The following LRRC42 variants were observed in gnomAD, a reference collection of about 807,000 sequenced individuals.
LRRC42 encodes the protein leucine rich repeat containing 42, also known as leucine-rich repeat-containing protein 42.
Under a neutral mutation model 44.3 loss-of-function variants are expected in LRRC42, and 43 were observed. The ratio of observed to expected loss-of-function variants is 0.97; its 90% CI spans 0.76 to 1.25. The LOEUF (loss-of-function observed/expected upper bound fraction) is 1.25, where lower values mean the gene tolerates loss of function less well. LRRC42 is among the 50% of genes most tolerant of loss of function. The probability of loss-of-function intolerance (pLI) is 0.00; values close to 1 mark genes in which losing one functional copy is unlikely to be tolerated. For missense variants in LRRC42, 540 were observed against 509.1 expected (o/e 1.06, Z -0.58); for synonymous variants, 207 against 195.2 (o/e 1.06, Z -0.50).
intron 3 of LRRC42, among the ~76,000 whole-genome samples, chr1:53,956,578 T>G (rs1654847552): frequency 6.6e-6 from 1 of 152,216 alleles, no homozygotes; most frequent in Non-Finnish European, 1.5e-5. Context: ...AGGTCTGGTC[T>G]GTGCTCTTTC....
chr1:53,964,298 T>C (rs1388033184), intron 7 of LRRC42, among the ~76,000 whole-genome samples: 1 of 152,120 alleles, frequency 6.6e-6, no homozygotes, highest in Non-Finnish European at 1.5e-5. Context: ...TTCCTCTTTC[T>C]TCCTCTCCTC....
chr1:53,965,353 A>G lies in LRRC42; in HGVS notation c.928-943A>G, dbSNP rs372660496. Among the ~76,000 whole-genome samples, 9 of 152,012 alleles carry G rather than the reference A, an allele frequency of 5.9e-5. No individual in the cohort carries two copies. In the East Asian group the frequency reaches 9.7e-4, roughly 16 times the overall value. On this transcript the variant is annotated intron_variant, in intron 7 of 8. Transcript: ENST00000371370. ...GAAAATGTTTTTCTTGACCTTTTTTATGGTCATTTCATTGCATTCCATAAT... is the reference window on the plus strand; with the variant it reads ...GAAAATGTTTTTCTTGACCTTTTTTGTGGTCATTTCATTGCATTCCATAAT...
In LRRC42 at chr1:53,958,145, G is replaced by C. The variant is rs1168548170; in HGVS notation, c.474-4G>C. ...AGCTATTGATTGCTCTCCACGCTCC[G>C]TAGGTATCTCGTGATTTCAGAAAAG... On this transcript the variant is annotated splice_region_variant and splice_polypyrimidine_tract_variant and intron_variant, in intron 3 of 8. Transcript: ENST00000371370. The C allele has an allele frequency of 1.9e-6, 3 of 1,613,354 alleles. No homozygotes were observed. The highest frequency in any genetic ancestry group is 2.7e-5 in the African/African-American group (2 of 74,906).
intron 8 of LRRC42, among the ~76,000 whole-genome samples, chr1:53,967,430 T>G (rs1003693927): frequency 3.9e-5 from 6 of 152,194 alleles, no homozygotes; most frequent in African/African-American, 1.2e-4. Flanking sequence ...CCACGGTCAC[T>G]TCTAGGAAGA....
intron 7 of LRRC42, 121 bp downstream of exon 7, chr1:53,962,530 C>T: frequency 4.3e-6 from 3 of 690,666 alleles, no homozygotes; most frequent in Non-Finnish European, 7.7e-6. Flanking sequence ...TTGTCATCTT[C>T]ATGTCAAATT....
chr1:53,955,584 G>A (rs1005952742), intron 3 of LRRC42, among the ~76,000 whole-genome samples: 1 of 146,504 alleles, frequency 6.8e-6, no homozygotes, highest in Non-Finnish European at 1.5e-5. Flanking sequence ...AAGCGTGAGC[G>A]ACCATGCCCA....
intron 3 of LRRC42, among the ~76,000 whole-genome samples, 198 bp downstream of exon 3, chr1:53,952,670 G>C (rs1193891825): frequency 6.6e-6 from 1 of 152,082 alleles, no homozygotes; most frequent in African/African-American, 2.4e-5. Flanking sequence ...ACTTTATTCT[G>C]AAATCATTTT....
At chr1:53,952,495 T>G in intron 3 of LRRC42, 23 bp downstream of exon 3, 1 of 1,556,528 alleles carries the variant, frequency 6.4e-7, no homozygotes, top group East Asian at 2.3e-5. Context: ...ATTAGATTAT[T>G]CGGTATTTTA....
chr1:53,967,699 G>A lies in LRRC42; in HGVS notation c.1047G>A (p.Lys349=). Residue 349 remains lysine, a synonymous_variant, in exon 9 of 9, where the codon AAG becomes AAA. Coordinates refer to ENST00000371370, the MANE Select transcript of LRRC42 (RefSeq NM_001256409.2). ...GGTCTCGAGCAGAAGCCCCACTGAA[G>A]TGTCCCCTGGCAGACACCCACATGA... ...GKRSRAEAPL[K]CPLADTHMNS... is the part of the protein sequence containing the mutation. The A allele has an allele frequency of 6.2e-7, 1 of 1,614,128 alleles. No individual in the cohort carries two copies. The highest frequency in any genetic ancestry group is 1.1e-5 in the South Asian group (1 of 91,084).
chr1:53,964,366 G>A (rs1181939625), intron 7 of LRRC42, among the ~76,000 whole-genome samples: 1 of 152,034 alleles, frequency 6.6e-6, no homozygotes, highest in African/African-American at 2.4e-5. Flanking sequence ...AGCTCCAGCT[G>A]TCCTTGCGAG....
Position 53,958,223 on chromosome 1 carries a change from G to A in LRRC42, c.548G>A (p.Cys183Tyr). 1.9e-6 allele frequency: 3 copies of A among 1,613,856 alleles called. No individual in the cohort carries two copies. The highest frequency in any genetic ancestry group is 2.5e-6 in the Non-Finnish European group (3 of 1,179,830). Residue 183 changes from cysteine (C) to tyrosine (Y), a missense_variant, in exon 4 of 9, where the codon TGC (cysteine) becomes TAC (tyrosine). By Grantham distance (194) the Cys-to-Tyr change is radical (BLOSUM62 -2). Coordinates refer to ENST00000371370, the MANE Select transcript of LRRC42 (RefSeq NM_001256409.2). ...CTGACCTGCCTGGATCTTTCCTGTTGCAAGCTTGGAGATGAGCATGAACTT... is the reference window on the plus strand; with the variant it reads ...CTGACCTGCCTGGATCTTTCCTGTTACAAGCTTGGAGATGAGCATGAACTT... ...RELTCLDLSC[C>Y]KLGDEHELLE... is the part of the protein sequence containing the mutation.
chr1:53,946,387 G>A lies in LRRC42; in HGVS notation c.-211G>A. On this transcript the variant is annotated 5_prime_UTR_variant, in exon 1 of 9. Transcript: ENST00000371370. ...GCCCCCGCCGGTCCCGCGGTCCCAC[G>A]GCGCCTGGTTGCCCCCAGCCCCCTC... The A allele has an allele frequency of 6.6e-6, 1 of 152,172 alleles. No individual in the cohort carries two copies. Among genetic ancestry groups the A allele is most frequent in the Non-Finnish European group, 1.5e-5 (1 of 68,066 alleles). The allele number at this position is 152,172 out of a possible 1,614,324, so 9.4% of individuals were successfully genotyped here.
intron 2 of LRRC42, among the ~76,000 whole-genome samples, chr1:53,951,666 C>G (rs1401755863): frequency 2.0e-5 from 3 of 152,192 alleles, no homozygotes; most frequent in Non-Finnish European, 2.9e-5. Context: ...CTCAGGTGAT[C>G]CGCCCGCCTC....
At chr1:53,965,765 G>A (rs1283079824) in intron 7 of LRRC42, among the ~76,000 whole-genome samples, 5 of 152,188 alleles carry the variant, frequency 3.3e-5, no homozygotes, top group African/African-American at 4.8e-5. Context: ...GTGAGCCACC[G>A]CGCCCGGCCA....
chr1:53,962,068 C>T lies in LRRC42; in HGVS notation c.759C>T (p.Tyr253=), dbSNP rs1655008641. The T allele has an allele frequency of 6.2e-7, 1 of 1,613,952 alleles. No homozygotes were observed. Among genetic ancestry groups the T allele is most frequent in the African/African-American group, 1.3e-5 (1 of 75,032 alleles). ...NPEITDAGIG[Y]LFSFRKLNCL... The stretch of plus-strand genomic sequence containing the variant: ...AGATCACAGATGCAGGCATTGGATA[C>T]CTCTTTTCTTTTAGGAAACTAAACT... The change falls in exon 6 of 9, where the codon TAC becomes TAT. Residue 253 remains tyrosine, a synonymous_variant. Transcript: ENST00000371370.
chr1:53,967,677 C>T lies in LRRC42; in HGVS notation c.1025C>T (p.Ser342Phe), dbSNP rs145405790. The T allele has an allele frequency of 5.0e-5, 80 of 1,613,910 alleles. 1 individual carries two copies. The African/African-American group carries it at 7.3e-4, about 15-fold the overall frequency. Reference sequence around the variant, plus strand: ...CCTTCTGTCACAGATGGGAAGCGGTCTCGAGCAGAAGCCCCACTGAAGTGT... The same window carrying T: ...CCTTCTGTCACAGATGGGAAGCGGTTTCGAGCAGAAGCCCCACTGAAGTGT... The part of the protein sequence containing the change: ...AAAQRFYGKR[S>F]RAEAPLKCPL... Residue 342 changes from serine (S) to phenylalanine (F), a missense_variant, in exon 9 of 9, where the codon TCT (serine) becomes TTT (phenylalanine). Transcript: ENST00000371370.
intron 2 of LRRC42, among the ~76,000 whole-genome samples, chr1:53,949,903 T>A (rs1367467246): frequency 6.6e-6 from 1 of 152,246 alleles, no homozygotes; most frequent in Admixed American, 6.5e-5. Context: ...GCCCTACAAC[T>A]GAGAGCACCA....
intron 6 of LRRC42, 21 bp from the exon 7 acceptor site, chr1:53,962,275 G>C (rs1292732467): frequency 6.3e-7 from 1 of 1,575,416 alleles, no homozygotes; most frequent in Non-Finnish European, 8.7e-7. Flanking sequence ...TTGCATTTCT[G>C]ATCTGTCTCT....
Position 53,962,345 on chromosome 1 carries a change from A to T in LRRC42, c.863A>T (p.His288Leu). 6.2e-7 allele frequency: 1 copy of T among 1,614,160 alleles called. No individual in the cohort carries two copies. Among genetic ancestry groups the T allele is most frequent in the Non-Finnish European group, 8.5e-7 (1 of 1,179,992 alleles). The change falls in exon 7 of 9, where the codon CAC (histidine) becomes CTC (leucine). Residue 288 changes from histidine to leucine, a missense_variant. Transcript: ENST00000371370. ...HKLQTHIGLVHSKVPLKEFDH... is the reference protein window; with the variant it reads ...HKLQTHIGLVLSKVPLKEFDH... ...CTCCAGACCCACATAGGCCTTGTTC[A>T]CTCCAAAGTGCCTTTGAAGGAATTT...
Sources: gnomAD v4.1 joint callset for allele counts (sites outside exome capture counted in the v4.1 genomes callset) on GRCh38, gnomAD v4.1.1 for gene constraint, MANE v1.5 for transcripts, NCBI Gene and HGNC (gene_info 2026-07-23, HGNC 2026-07-21) for gene names.